Variants in DOCK6 observed in about 807,000 individuals in gnomAD.
The protein encoded by DOCK6 is dedicator of cytokinesis protein 6.
In DOCK6, 167 loss-of-function variants were observed where a neutral mutation model predicts 230.3. That is an observed-to-expected ratio of 0.73 (90% CI 0.64 to 0.82). The LOEUF is 0.82. DOCK6 is among the 40% of genes least tolerant of loss of function. The probability of loss-of-function intolerance (pLI) is 0.00; values close to 1 mark genes in which losing one functional copy is unlikely to be tolerated. For synonymous variants in DOCK6, 1,148 were observed against 1,185.0 expected (o/e 0.97, Z 0.64); for missense variants, 2,598 against 2,825.8 (o/e 0.92, Z 1.83).
chr19:11,252,106 G>A lies in DOCK6; in HGVS notation c.507+13C>T. ...CATACCCCTTCAGTGACCCCAGCCA[G>A]GGGCTTCCTCACCGAGTCCTCAGGG... On this transcript the variant is annotated intron_variant, in intron 5 of 47. Coordinates refer to ENST00000294618, the MANE Select transcript of DOCK6 (RefSeq NM_020812.4). The A allele has an allele frequency of 6.3e-7, 1 of 1,585,440 alleles. No homozygotes were observed. Among genetic ancestry groups the A allele is most frequent in the Non-Finnish European group, 8.6e-7 (1 of 1,166,752 alleles).
rs772398306 is a variant in DOCK6 at position 11,253,691 on chromosome 19, C to A, written c.80G>T (p.Arg27Leu). Residue 27 changes from arginine (R) to leucine (L), a missense_variant, in exon 2 of 48, where the codon CGG (arginine) becomes CTG (leucine). Coordinates refer to ENST00000294618, the MANE Select transcript of DOCK6 (RefSeq NM_020812.4). ...VAAEVRKQVS[R>L]ERSGSPHSSR... ...GGAGTGGGGGGAGCCACTGCGTTCC[C>A]GGGACACCTGCTTCCGCACCTCTGC... 2 of 1,471,660 alleles carry A rather than the reference C, an allele frequency of 1.4e-6. No individual in the cohort carries two copies. The highest frequency in any genetic ancestry group is 1.8e-6 in the Non-Finnish European group (2 of 1,118,962). The allele number at this position is 1,471,660 out of a possible 1,614,324, so 91.2% of individuals were successfully genotyped here.
chr19:11,241,350 T>C lies in DOCK6; in HGVS notation c.1643+695A>G. On this transcript the variant is annotated intron_variant, in intron 14 of 47. Coordinates refer to ENST00000294618, the MANE Select transcript of DOCK6 (RefSeq NM_020812.4). ...AGGCCAAAGAGCATTGTTGACTTGC[T>C]GGGTCACACAGATACAATGAGGGGC... 5.3e-6 allele frequency: 4 copies of C among 759,334 alleles called. No homozygotes were observed. In the South Asian group the frequency reaches 6.5e-5, roughly 12 times the overall value. 47.0% of individuals were successfully genotyped at this position (759,334 alleles called of 1,614,324 possible).
chr19:11,253,529 C>G (rs763573362), intron 2 of DOCK6, 110 bp downstream of exon 2: 28 of 699,186 alleles, frequency 4.0e-5, no homozygotes, highest in Non-Finnish European at 6.0e-5. Flanking sequence ...CGGTTTCCCC[C>G]CAGGACAGGC....
In DOCK6 at chr19:11,201,742, G is replaced by GTCTAGGGTCCCTGTGCCACCCCTC; in HGVS notation, c.5688+123_5688+146dup. Reference sequence around the variant, plus strand: ...CTCCCCTCCCCTCCCTGGGGATCTGGTCTAGGGTCCCTGTGCCACCCCTCT... The same window carrying GTCTAGGGTCCCTGTGCCACCCCTC: ...CTCCCCTCCCCTCCCTGGGGATCTGGTCTAGGGTCCCTGTGCCACCCCTCTCTAGGGTCCCTGTGCCACCCCTCT... On this transcript the variant is annotated intron_variant, in intron 44 of 47. Coordinates refer to ENST00000294618, the MANE Select transcript of DOCK6 (RefSeq NM_020812.4). This position sits in a 1 kb window ranked among gnomAD's most constrained non-coding sequence, Gnocchi z 4.3. The GTCTAGGGTCCCTGTGCCACCCCTC allele has an allele frequency of 1.3e-6, 1 of 757,028 alleles. No individual in the cohort carries two copies. Among genetic ancestry groups the GTCTAGGGTCCCTGTGCCACCCCTC allele is most frequent in the Non-Finnish European group, 2.1e-6 (1 of 468,008 alleles). The allele number at this position is 757,028 out of a possible 1,614,324, so 46.9% of individuals were successfully genotyped here. A position where few individuals can be genotyped will look rare whatever the true frequency, so the allele number is the denominator to read the frequency against.
At chr19:11,217,136 C>A in intron 29 of DOCK6, 40 bp from the exon 30 acceptor site, 1 of 1,598,018 alleles carries the variant, frequency 6.3e-7, no homozygotes. Context: ...TCCATTTTCT[C>A]CATGTGAGAT....
In DOCK6 at chr19:11,200,669, G is replaced by A; in HGVS notation, c.5939+47C>T. 3 of 1,546,716 alleles carry A rather than the reference G, an allele frequency of 1.9e-6. No homozygotes were observed. In the South Asian group the frequency reaches 3.5e-5, roughly 18 times the overall value. On this transcript the variant is annotated intron_variant, in intron 46 of 47. Coordinates refer to ENST00000294618, the MANE Select transcript of DOCK6 (RefSeq NM_020812.4). The surrounding 1 kb of genome is among the most constrained non-coding windows in gnomAD (Gnocchi z 4.3). ...TCAGATGGGCAGAGAGCAGGCCTAT[G>A]CAGGTTAGGCAGACACGAGACCCCT... is the stretch of plus-strand genomic sequence containing the variant.
intron 37 of DOCK6, among the ~76,000 whole-genome samples, chr19:11,210,478 C>T (rs1322685970): frequency 2.7e-5 from 4 of 146,554 alleles, no homozygotes; most frequent in Non-Finnish European, 6.0e-5. Context: ...ACCTGTCCAC[C>T]CCCTCACCTG....
chr19:11,237,355 G>T, intron 18 of DOCK6, 101 bp downstream of exon 18: 1 of 1,331,020 alleles, frequency 7.5e-7, no homozygotes. Context: ...GGCACCAGTA[G>T]AGGATAACAA....
At chr19:11,244,211 G>T (rs2079997169) in intron 9 of DOCK6, among the ~76,000 whole-genome samples, 1 of 151,972 alleles carries the variant, frequency 6.6e-6, no homozygotes, top group Non-Finnish European at 1.5e-5. Context: ...GTCTCGCTAT[G>T]TTGCCTAGGC....
At position 11,201,844 on chromosome 19, in the gene DOCK6, T is replaced by TCCCCC; in HGVS notation, c.5688+44_5688+45insGGGGG. On this transcript the variant is annotated intron_variant, in intron 44 of 47. Coordinates refer to ENST00000294618, the MANE Select transcript of DOCK6 (RefSeq NM_020812.4). This position sits in a 1 kb window ranked among gnomAD's most constrained non-coding sequence, Gnocchi z 4.3. ...TCCCCTCCCCTCCCAGGGTCTGATG[T>TCCCCC]CCCCTCACCTCCCCACCCCCGCCAG... 1.5e-6 allele frequency: 2 copies of TCCCCC among 1,372,682 alleles called. No homozygotes were observed. The highest frequency in any genetic ancestry group is 2.0e-6 in the Non-Finnish European group (2 of 1,001,700). 85.0% of individuals were successfully genotyped at this position (1,372,682 alleles called of 1,614,324 possible).
At position 11,214,538 on chromosome 19, in the gene DOCK6, T is replaced by C; in HGVS notation, c.4203+15A>G. 1 of 1,613,866 alleles carries C rather than the reference T, an allele frequency of 6.2e-7. No homozygotes were observed. The highest frequency in any genetic ancestry group is 1.1e-5 in the South Asian group (1 of 91,078). Reference sequence around the variant, plus strand: ...TGGGCTCAGAGCACAAGGCAGATGCTGGATCAAGCCCTACCTGCACGATGA... The same window carrying C: ...TGGGCTCAGAGCACAAGGCAGATGCCGGATCAAGCCCTACCTGCACGATGA... On this transcript the variant is annotated intron_variant, in intron 33 of 47. Transcript: ENST00000294618.
At chr19:11,244,610 G>A (rs1338567815) in intron 9 of DOCK6, among the ~76,000 whole-genome samples, 1 of 151,908 alleles carries the variant, frequency 6.6e-6, no homozygotes, top group African/African-American at 2.4e-5. Context: ...ACAAGCGCCT[G>A]CTACTACGTC....
chr19:11,229,614 G>T (rs1486970758), intron 22 of DOCK6, among the ~76,000 whole-genome samples: 1 of 152,106 alleles, frequency 6.6e-6, no homozygotes, highest in Non-Finnish European at 1.5e-5. Context: ...GGGGAGGCTG[G>T]TTGGAATGGC....
Position 11,243,858 on chromosome 19 carries a change from C to T in DOCK6, c.1048G>A (p.Asp350Asn). 1.2e-6 allele frequency: 2 copies of T among 1,612,354 alleles called. No individual in the cohort carries two copies. The highest frequency in any genetic ancestry group is 1.7e-6 in the Non-Finnish European group (2 of 1,179,296). Residue 350 changes from aspartate (D) to asparagine (N), a missense_variant, in exon 10 of 48, where the codon GAC becomes AAC. Asp to Asn is a conservative substitution (Grantham distance 23, BLOSUM62 1). Transcript: ENST00000294618. This position sits in a 1 kb window ranked among gnomAD's most constrained non-coding sequence, Gnocchi z 6.3. ...IKLEKVLQQG[D>N]ISECCEPYMV... ...TAAGGCTCACAGCACTCACTGATGT[C>T]CCCTTGCTGAAGCACCTTCTCCAAC... is the stretch of plus-strand genomic sequence containing the variant.
In DOCK6 at chr19:11,215,827, C is replaced by T. The variant is rs764432170; in HGVS notation, c.3995G>A (p.Arg1332Gln). The T allele has an allele frequency of 3.7e-6, 6 of 1,613,816 alleles. No homozygotes were observed. The highest frequency in any genetic ancestry group is 1.3e-5 in the African/African-American group (1 of 74,904). Residue 1332 changes from arginine to glutamine, a missense_variant, in exon 31 of 48, where the codon CGA becomes CAA. Coordinates refer to ENST00000294618, the MANE Select transcript of DOCK6 (RefSeq NM_020812.4). ...ACGACTTCGCCGAACCATTTCTTGT[C>T]GAGCTCCGATGGTACCCAGAATGGC... is the stretch of plus-strand genomic sequence containing the variant. The part of the protein sequence containing the change: ...EEAILGTIGA[R>Q]QEMVRRSRER...
At chr19:11,213,640 T>C (rs1270855812) in intron 34 of DOCK6, among the ~76,000 whole-genome samples, 1 of 143,780 alleles carries the variant, frequency 7.0e-6, no homozygotes, top group African/African-American at 2.6e-5. Flanking sequence ...TGAGACGGAG[T>C]TTTGCTCTTG....
Position 11,228,171 on chromosome 19 carries a change from C to T in DOCK6, c.2815-694G>A, listed in dbSNP as rs1232601860. Among the ~76,000 whole-genome samples, 3 of 151,990 alleles carry T rather than the reference C, an allele frequency of 2.0e-5. 1 individual carries two copies. Among genetic ancestry groups the T allele is most frequent in the Admixed American group, 1.3e-4 (2 of 15,232 alleles). The stretch of plus-strand genomic sequence containing the variant: ...GATTACAGGCACGCACTACTACGCC[C>T]GGCTAACTTTTGTATTTTTAGTAGA... On this transcript the variant is annotated intron_variant, in intron 23 of 47. Transcript: ENST00000294618.
At chr19:11,252,646 A>C in intron 3 of DOCK6, 96 bp from the exon 4 acceptor site, 1 of 1,595,712 alleles carries the variant, frequency 6.3e-7, no homozygotes, top group Non-Finnish European at 8.6e-7. Flanking sequence ...ATTCCAGACA[A>C]GGGGAGATGG....
intron 24 of DOCK6, among the ~76,000 whole-genome samples, chr19:11,223,867 G>A (rs575828641): frequency 2.0e-5 from 3 of 152,036 alleles, no homozygotes; most frequent in Non-Finnish European, 4.4e-5. Context: ...GGCTGGTCTC[G>A]AACTCCTGAC....
Sources: allele counts gnomAD v4.1 joint callset (sites outside exome capture counted in the v4.1 genomes callset), GRCh38; gene constraint gnomAD v4.1.1; non-coding constraint Gnocchi (gnomAD v3.1); transcripts MANE v1.5; gene names NCBI Gene and HGNC (gene_info 2026-07-23, HGNC 2026-07-21).